Variants in GPBP1 observed in about 807,000 individuals in gnomAD.
GPBP1 encodes GC-rich promoter binding protein 1.
A neutral mutation model predicts 56.5 loss-of-function variants in GPBP1; 13 were observed. That is an observed-to-expected ratio of 0.23 (90% CI 0.15 to 0.37). GPBP1 has a LOEUF of 0.37. Among genes scored for constraint, GPBP1 ranks in the 10% least tolerant of loss-of-function variants. The pLI, the probability that GPBP1 is intolerant of heterozygous loss-of-function variation, is 1.00. For missense variants in GPBP1, 477 were observed against 572.3 expected (o/e 0.83, Z 1.70); for synonymous variants, 204 against 188.9 (o/e 1.08, Z -0.66).
intron 6 of GPBP1, chr5:57,237,110 C>G: frequency 3.2e-6 from 5 of 1,544,560 alleles, no homozygotes; most frequent in Non-Finnish European, 4.4e-6. Context: ...CCACTCTCCC[C>G]AGGCCTACAC....
intron 2 of GPBP1, among the ~76,000 whole-genome samples, chr5:57,210,451 A>G (rs1755427354): frequency 6.6e-6 from 1 of 152,224 alleles, no homozygotes; most frequent in South Asian, 2.1e-4. Flanking sequence ...TAAGCCAGTC[A>G]AATTTAGTAT....
At chr5:57,232,764 C>T (rs553248335) in intron 5 of GPBP1, among the ~76,000 whole-genome samples, 84 of 152,212 alleles carry the variant, frequency 5.5e-4, no homozygotes, top group African/African-American at 1.7e-3. Context: ...AAACTGGTGG[C>T]GAGTGTGTCC....
At chr5:57,237,155 C>T (rs1162681913) in intron 6 of GPBP1, 1 of 1,548,562 alleles carries the variant, frequency 6.5e-7, no homozygotes, top group Non-Finnish European at 8.7e-7. Context: ...AAAAAAATCT[C>T]CCAAGCTCCT....
chr5:57,251,014 C>G lies in GPBP1; in HGVS notation c.1033C>G (p.Arg345Gly). The G allele has an allele frequency of 6.2e-7, 1 of 1,612,128 alleles. No individual in the cohort carries two copies. The highest frequency in any genetic ancestry group is 8.5e-7 in the Non-Finnish European group (1 of 1,179,124). ...TACTCACCAAGAAAGGGATATAAACCGAAACTTCGATGAAAATGAAATTCC... is the reference window on the plus strand; with the variant it reads ...TACTCACCAAGAAAGGGATATAAACGGAAACTTCGATGAAAATGAAATTCC... ...NSTHQERDIN[R>G]NFDENEIPQE... The change falls in exon 10 of 12, where the codon CGA (arginine) becomes GGA (glycine). Residue 345 changes from arginine to glycine, a missense_variant. This residue lies in a region of GPBP1 where 414 missense variants were observed against 458.2 expected (regional missense o/e 0.90). Coordinates refer to ENST00000506184, the MANE Select transcript of GPBP1 (RefSeq NM_022913.4).
intron 5 of GPBP1, among the ~76,000 whole-genome samples, chr5:57,232,167 C>T (rs117987458): frequency 0.015 from 2,332 of 152,158 alleles, 136 homozygotes; most frequent in East Asian, 0.097. Context: ...TACAGATGCA[C>T]ACCACTACAC....
intron 3 of GPBP1, among the ~76,000 whole-genome samples, chr5:57,227,649 T>G (rs1008270808): frequency 6.6e-6 from 1 of 152,178 alleles, no homozygotes; most frequent in Non-Finnish European, 1.5e-5. Flanking sequence ...AAGGGCAGCA[T>G]CCACCTGGGC....
chr5:57,211,890 A>AT (rs1423461992), intron 2 of GPBP1, among the ~76,000 whole-genome samples: 4 of 151,860 alleles, frequency 2.6e-5, no homozygotes, highest in Non-Finnish European at 5.9e-5. Context: ...ACTTTTTACC[A>AT]TTTTGTATGA....
intron 5 of GPBP1, among the ~76,000 whole-genome samples, chr5:57,233,241 A>C: frequency 6.6e-6 from 1 of 152,208 alleles, no homozygotes; most frequent in East Asian, 1.9e-4. Flanking sequence ...AAGAGGAAAA[A>C]TTTGATAGAT....
At chr5:57,229,953 G>GTCCCGTCCCGTCCCA (rs1230345172) in intron 3 of GPBP1, among the ~76,000 whole-genome samples, 2 of 149,028 alleles carry the variant, frequency 1.3e-5, no homozygotes, top group Non-Finnish European at 3.0e-5. Flanking sequence ...GTCCCGTCCC[G>GTCCCGTCCCGTCCCA]TCCCGTCCCG....
intron 2 of GPBP1, among the ~76,000 whole-genome samples, chr5:57,188,129 A>G (rs1298480756): frequency 6.6e-6 from 1 of 151,924 alleles, no homozygotes; most frequent in Non-Finnish European, 1.5e-5. Context: ...CTGTAGTCCC[A>G]GCTACACAGG....
rs13170141 is a variant in GPBP1, at chr5:57,235,934, A to G, written c.412-32A>G. The G allele has an allele frequency of 0.23, 341,417 of 1,461,460 alleles. 44,626 individuals are homozygous for G. Among genetic ancestry groups the G allele is most frequent in the Non-Finnish European group, 0.27 (280,680 of 1,043,148 alleles). The allele number at this position is 1,461,460 out of a possible 1,614,324, so 90.5% of individuals were successfully genotyped here. A position where few individuals can be genotyped will look rare whatever the true frequency, so the allele number is the denominator to read the frequency against. On this transcript the variant is annotated intron_variant, in intron 5 of 11. Transcript: ENST00000506184. The stretch of plus-strand genomic sequence containing the variant: ...TTGGTTTTAAATGATTTATTTTTAA[A>G]ATGTGAAATGTTTATTCCAACTTTC...
intron 2 of GPBP1, among the ~76,000 whole-genome samples, chr5:57,188,026 TGAG>T (rs535376926): frequency 5.3e-5 from 8 of 152,108 alleles, no homozygotes; most frequent in African/African-American, 1.9e-4. Flanking sequence ...GTGGATCACT[TGAG>T]GTCAGGAGTT....
At chr5:57,222,327 T>C (rs1254171058) in intron 3 of GPBP1, among the ~76,000 whole-genome samples, 1 of 152,218 alleles carries the variant, frequency 6.6e-6, no homozygotes, top group Non-Finnish European at 1.5e-5. Context: ...GCTTGAGAGA[T>C]TAATTTGCTG....
At chr5:57,250,823 G>A in intron 9 of GPBP1, 131 bp from the exon 10 acceptor site, 1 of 625,026 alleles carries the variant, frequency 1.6e-6, no homozygotes, top group Non-Finnish European at 2.6e-6. Flanking sequence ...GGGATTACAG[G>A]GGTGAGCCAC....
chr5:57,192,519 T>C (rs1754569272), intron 2 of GPBP1, among the ~76,000 whole-genome samples: 1 of 151,536 alleles, frequency 6.6e-6, no homozygotes, highest in African/African-American at 2.4e-5. Context: ...TTTGGGAGGC[T>C]GAGGTAGGTG....
chr5:57,184,123 T>C (rs1168343248), intron 2 of GPBP1, among the ~76,000 whole-genome samples: 1 of 151,920 alleles, frequency 6.6e-6, no homozygotes, highest in African/African-American at 2.4e-5. Flanking sequence ...TCCCAGCTAC[T>C]TGGGAGGCTG....
chr5:57,174,365 G>T (rs543204646), intron 1 of GPBP1, among the ~76,000 whole-genome samples, 154 bp downstream of exon 1: 5 of 152,216 alleles, frequency 3.3e-5, no homozygotes, highest in Admixed American at 6.5e-5. Context: ...GGAGTGAGAG[G>T]GGGGAGAGGC....
At chr5:57,225,156 G>A (rs773915317) in intron 3 of GPBP1, among the ~76,000 whole-genome samples, 4 of 152,028 alleles carry the variant, frequency 2.6e-5, no homozygotes, top group Non-Finnish European at 5.9e-5. Context: ...TAAAAAGGAA[G>A]ATAGAAAACT....
chr5:57,222,586 CT>C (rs1399567445), intron 3 of GPBP1, among the ~76,000 whole-genome samples: 1 of 151,914 alleles, frequency 6.6e-6, no homozygotes, highest in Non-Finnish European at 1.5e-5. Flanking sequence ...GGAAATTCAT[CT>C]CTTTTTAGTG....
Sources: allele counts gnomAD v4.1 joint callset (sites outside exome capture counted in the v4.1 genomes callset), GRCh38; gene constraint gnomAD v4.1.1; regional missense constraint gnomAD v4.1.1; transcripts MANE v1.5; gene names NCBI Gene and HGNC (gene_info 2026-07-23, HGNC 2026-07-21).